HECW1: variants seen among roughly 807,000 people sequenced by gnomAD.
HECW1 encodes HECT, C2 and WW domain containing E3 ubiquitin protein ligase 1.
Under a neutral mutation model 182.3 loss-of-function variants are expected in HECW1, and 61 were observed. That is an observed-to-expected ratio of 0.33 (90% CI 0.27 to 0.41). The LOEUF is 0.41. Ranked by LOEUF, HECW1 falls within the 10% of genes least tolerant of loss-of-function variation. The probability of loss-of-function intolerance (pLI) is 1.00; values close to 1 mark genes in which losing one functional copy is unlikely to be tolerated. For missense variants in HECW1, 1,739 were observed against 2,108.9 expected, an observed-to-expected ratio of 0.82 and a Z score of 3.44; for synonymous variants, 859 against 832.6, an observed-to-expected ratio of 1.03 and a Z score of -0.55.
intron 2 of HECW1, among the ~76,000 whole-genome samples, chr7:43,207,187 C>T (rs2152692840): frequency 6.6e-6 from 1 of 152,252 alleles, no homozygotes; most frequent in East Asian, 1.9e-4. Flanking sequence ...GCTGGGATTA[C>T]AGGTGCATGC....
chr7:43,235,359 A>G (rs1444310003), intron 2 of HECW1, among the ~76,000 whole-genome samples: 1 of 152,254 alleles, frequency 6.6e-6, no homozygotes, highest in African/African-American at 2.4e-5. Flanking sequence ...GTGTTTAAAG[A>G]TAATACTTGG....
chr7:43,370,948 C>T (rs888228175), intron 6 of HECW1, among the ~76,000 whole-genome samples: 6 of 148,612 alleles, frequency 4.0e-5, no homozygotes, highest in Admixed American at 3.4e-4. Context: ...AGTGCAGTGG[C>T]GCAATCTCGG....
At chr7:43,306,245 T>G (rs1807552599) in intron 3 of HECW1, among the ~76,000 whole-genome samples, 2 of 152,248 alleles carry the variant, frequency 1.3e-5, no homozygotes, top group African/African-American at 4.8e-5. Context: ...ATAGAGCAAA[T>G]GCTCAGAACT....
intron 5 of HECW1, among the ~76,000 whole-genome samples, chr7:43,357,853 A>G (rs1194210053): frequency 6.6e-6 from 1 of 152,198 alleles, no homozygotes; most frequent in Non-Finnish European, 1.5e-5. Flanking sequence ...AATGTATTCA[A>G]TCATCACATG....
chr7:43,447,759 C>G, intron 11 of HECW1, among the ~76,000 whole-genome samples: 1 of 152,148 alleles, frequency 6.6e-6, no homozygotes, highest in African/African-American at 2.4e-5. Flanking sequence ...GTGTGGGTGA[C>G]CTCTGCTTCC....
At position 43,445,395 on chromosome 7, in the gene HECW1, G is replaced by A; in HGVS notation, c.2223G>A (p.Glu741=). 6.2e-7 allele frequency: 1 copy of A among 1,613,692 alleles called. No individual in the cohort carries two copies. Among genetic ancestry groups the A allele is most frequent in the South Asian group, 1.1e-5 (1 of 91,090 alleles). Residue 741 remains glutamate, a synonymous_variant, in exon 11 of 30, where the codon GAG becomes GAA. Coordinates refer to ENST00000395891, the MANE Select transcript of HECW1 (RefSeq NM_015052.5). ...TVFSSQDDEE[E]ENSAFESVPD... ...TCTCCTCGCAAGACGACGAGGAGGA[G>A]GAGAACAGCGCGTTCGAGTCGGTAC...
At chr7:43,530,018 C>A (rs994317024) in intron 24 of HECW1, among the ~76,000 whole-genome samples, 1 of 151,622 alleles carries the variant, frequency 6.6e-6, no homozygotes, top group Non-Finnish European at 1.5e-5. Flanking sequence ...GGTGCAATCT[C>A]GGCTCACTGC....
intron 2 of HECW1, among the ~76,000 whole-genome samples, chr7:43,175,939 A>G (rs997286981): frequency 6.6e-6 from 1 of 152,096 alleles, no homozygotes; most frequent in Non-Finnish European, 1.5e-5. Context: ...ACCAGAGCAC[A>G]TTTCCTCTTA....
In HECW1 at chr7:43,432,858, G is replaced by A. The variant is rs1425952122; in HGVS notation, c.802-5145G>A. Among the ~76,000 whole-genome samples the A allele has an allele frequency of 6.6e-6, 1 of 152,134 alleles. No homozygotes were observed. Among genetic ancestry groups the A allele is most frequent in the Non-Finnish European group, 1.5e-5 (1 of 68,022 alleles). On this transcript the variant is annotated intron_variant, in intron 8 of 29. Coordinates refer to ENST00000395891, the MANE Select transcript of HECW1 (RefSeq NM_015052.5). This position sits in a 1 kb window ranked among gnomAD's most constrained non-coding sequence, Gnocchi z 4.1. ...ATTTATAAAAGTTCTGTTTAGAGGCGATCTACCTCAGATCTTTTCTGAAGC... is the reference window on the plus strand; with the variant it reads ...ATTTATAAAAGTTCTGTTTAGAGGCAATCTACCTCAGATCTTTTCTGAAGC...
At chr7:43,161,135 CTGAT>C (rs1321621866) in intron 2 of HECW1, among the ~76,000 whole-genome samples, 1 of 152,012 alleles carries the variant, frequency 6.6e-6, no homozygotes, top group Non-Finnish European at 1.5e-5. Context: ...TGTGTCATGA[CTGAT>C]TGGGAATGAA....
chr7:43,203,907 G>A (rs963437611), intron 2 of HECW1, among the ~76,000 whole-genome samples: 5 of 152,272 alleles, frequency 3.3e-5, no homozygotes, highest in African/African-American at 1.2e-4. Context: ...TTGCTATTAT[G>A]TAATATCTTG....
intron 24 of HECW1, among the ~76,000 whole-genome samples, chr7:43,531,342 T>C (rs4724210): frequency 0.55 from 83,036 of 152,020 alleles, 22,806 homozygotes; most frequent in Non-Finnish European, 0.59. Flanking sequence ...CCACTTGCTC[T>C]GTGGTGATGA....
rs1296251991 is a variant in HECW1 at position 43,444,829 on chromosome 7, C to T, written c.1657C>T (p.Pro553Ser). The change falls in exon 11 of 30, where the codon CCC becomes TCC. Residue 553 changes from proline to serine, a missense_variant. By Grantham distance (74) the Pro-to-Ser change is moderately conservative (BLOSUM62 -1). Around this residue, in one of 5 missense-constraint regions of HECW1, gnomAD observed 971 missense variants for 1,029.1 expected, o/e 0.94. Coordinates refer to ENST00000395891, the MANE Select transcript of HECW1 (RefSeq NM_015052.5). This position sits in a 1 kb window ranked among gnomAD's most constrained non-coding sequence, Gnocchi z 4.3. ...ETVIASACGD[P>S]ETPRTHYIRI... Reference sequence around the variant, plus strand: ...GGTGATCGCGTCAGCCTGCGGGGACCCCGAGACCCCGCGGACACACTACAT... The same window carrying T: ...GGTGATCGCGTCAGCCTGCGGGGACTCCGAGACCCCGCGGACACACTACAT... 4 of 1,613,894 alleles carry T rather than the reference C, an allele frequency of 2.5e-6. No individual in the cohort carries two copies. Among genetic ancestry groups the T allele is most frequent in the South Asian group, 2.2e-5 (2 of 91,064 alleles).
At chr7:43,209,433 T>C (rs1373226546) in intron 2 of HECW1, among the ~76,000 whole-genome samples, 2 of 152,156 alleles carry the variant, frequency 1.3e-5, no homozygotes, top group Non-Finnish European at 2.9e-5. Context: ...GTTCTCTGCC[T>C]TTTTCAGGCC....
chr7:43,443,286 A>T (rs1003701918), intron 10 of HECW1, among the ~76,000 whole-genome samples: 3 of 152,212 alleles, frequency 2.0e-5, no homozygotes, highest in African/African-American at 7.2e-5. Flanking sequence ...GTTAAGTCTA[A>T]TGAAGCTCTT....
rs548462633 is a variant in HECW1, at chr7:43,504,000, C to T, written c.3631+2678C>T. 1.3e-3 allele frequency among the ~76,000 whole-genome samples: 203 copies of T among 152,288 alleles called. 2 individuals are homozygous for T. The highest frequency in any genetic ancestry group is 2.5e-3 in the Non-Finnish European group (171 of 68,016). ...TCCCTCAGGCCCAGGTGTTTGGGGCCCAGGTAGGCGGGGCCCCAACGCTTC... is the reference window on the plus strand; with the variant it reads ...TCCCTCAGGCCCAGGTGTTTGGGGCTCAGGTAGGCGGGGCCCCAACGCTTC... On this transcript the variant is annotated intron_variant, in intron 21 of 29. Coordinates refer to ENST00000395891, the MANE Select transcript of HECW1 (RefSeq NM_015052.5).
rs528470877 is a variant in HECW1, at chr7:43,195,305, C to T, written c.-31-48570C>T. ...CTGTGCACTGCACTGTGTGTGAGGT[C>T]GCACAGTCTGGGAGGCCCTGTGCCA... is the stretch of plus-strand genomic sequence containing the variant. On this transcript the variant is annotated intron_variant, in intron 2 of 29. Transcript: ENST00000395891. Among the ~76,000 whole-genome samples, 511 of 152,308 alleles carry T rather than the reference C, an allele frequency of 3.4e-3. 4 individuals are homozygous for T. The highest frequency in any genetic ancestry group is 5.0e-3 in the Non-Finnish European group (341 of 68,040).
intron 3 of HECW1, among the ~76,000 whole-genome samples, chr7:43,285,510 C>T (rs1050201030): frequency 7.2e-5 from 11 of 152,176 alleles, no homozygotes; most frequent in African/African-American, 2.6e-4. Flanking sequence ...ATGAGCCCAC[C>T]CAAAGTCATA....
chr7:43,210,450 A>AGTGTGTGTGT (rs57987187), intron 2 of HECW1, among the ~76,000 whole-genome samples: 2,246 of 145,474 alleles, frequency 0.015, 15 homozygotes, highest in Middle Eastern at 0.024. Flanking sequence ...AGTAGAAGTG[A>AGTGTGTGTGT]GTGTGTGTGT....
Sources: allele counts gnomAD v4.1 joint callset (sites outside exome capture counted in the v4.1 genomes callset), GRCh38; gene constraint gnomAD v4.1.1; regional missense constraint gnomAD v4.1.1; non-coding constraint Gnocchi (gnomAD v3.1); transcripts MANE v1.5; gene names NCBI Gene and HGNC (gene_info 2026-07-23, HGNC 2026-07-21).